Variants in ATRN observed in about 807,000 individuals in gnomAD.
ATRN encodes attractin, also known as attractin-2.
In ATRN, 54 loss-of-function variants were observed where a neutral mutation model predicts 178.7. That is an observed-to-expected ratio of 0.30 (90% CI 0.24 to 0.38). The LOEUF (loss-of-function observed/expected upper bound fraction) is 0.38. Ranked by LOEUF, ATRN falls within the 10% of genes least tolerant of loss-of-function variation. The pLI is 1.00. For synonymous variants in ATRN, 636 were observed against 663.0 expected (o/e 0.96, Z 0.63); for missense variants, 1,443 against 1,815.1 (o/e 0.79, Z 3.73).
chr20:3,621,485 A>G (rs775966592), intron 24 of ATRN, among the ~76,000 whole-genome samples: 1 of 152,178 alleles, frequency 6.6e-6, no homozygotes, highest in Non-Finnish European at 1.5e-5. Context: ...AGACATATTG[A>G]TGAAAGTGGA....
In ATRN at chr20:3,599,752, C is replaced by T. The variant is rs74180395; in HGVS notation, c.3565-1194C>T. ...AGGGGGTCCTGGAACCGATGACCCA[C>T]GTATACCAAAGGATGACTGTAATTG... On this transcript the variant is annotated intron_variant, in intron 22 of 28. Coordinates refer to ENST00000262919, the MANE Select transcript of ATRN (RefSeq NM_139321.3). Among the ~76,000 whole-genome samples, 1,035 of 152,222 alleles carry T rather than the reference C, an allele frequency of 6.8e-3. 9 individuals are homozygous for T. Among genetic ancestry groups the T allele is most frequent in the Non-Finnish European group, 7.5e-3 (513 of 68,026 alleles).
At chr20:3,631,997 G>T (rs2086992955) in intron 25 of ATRN, among the ~76,000 whole-genome samples, 2 of 152,140 alleles carry the variant, frequency 1.3e-5, no homozygotes, top group Admixed American at 6.5e-5. Flanking sequence ...CACTCTCTTG[G>T]TGAATGTGGC....
chr20:3,563,152 CATAA>C lies in ATRN; in HGVS notation c.1632-53_1632-50del, dbSNP rs2085978379. The C allele has an allele frequency of 1.2e-5, 18 of 1,478,774 alleles. No individual in the cohort carries two copies. In the Admixed American group the frequency reaches 3.2e-4, roughly 27 times the overall value. The allele number at this position is 1,478,774 out of a possible 1,614,324, so 91.6% of individuals were successfully genotyped here. A position where few individuals can be genotyped will look rare whatever the true frequency, so the allele number is the denominator to read the frequency against. ...GTGGTTGTGCTTGCATTAGCAGATA[CATAA>C]ATATTCTTTAAAAACTAACCTTGTA... is the stretch of plus-strand genomic sequence containing the variant. On this transcript the variant is annotated intron_variant, in intron 9 of 28. Coordinates refer to ENST00000262919, the MANE Select transcript of ATRN (RefSeq NM_139321.3).
chr20:3,619,134 A>T (rs564850647), intron 24 of ATRN, among the ~76,000 whole-genome samples: 1 of 152,316 alleles, frequency 6.6e-6, no homozygotes, highest in East Asian at 1.9e-4. Flanking sequence ...GGAGCCTGAC[A>T]GGTGCTGCCT....
chr20:3,498,236 T>G (rs1401263746), intron 1 of ATRN, among the ~76,000 whole-genome samples: 1 of 152,166 alleles, frequency 6.6e-6, no homozygotes, highest in Non-Finnish European at 1.5e-5. Flanking sequence ...AATTCACAGC[T>G]GAATTCTACC....
intron 24 of ATRN, among the ~76,000 whole-genome samples, chr20:3,616,734 A>G (rs984205936): frequency 3.3e-5 from 5 of 152,142 alleles, no homozygotes; most frequent in Non-Finnish European, 5.9e-5. Flanking sequence ...CACTGGCAGC[A>G]GTTGGGAGTG....
chr20:3,567,896 T>C lies in ATRN; in HGVS notation c.1871+2464T>C, dbSNP rs13041712. ...ATTCACAATTGCTGAGAACACCAAC[T>C]GTACTGGGAAGAGGAGGTTGCTTAT... On this transcript the variant is annotated intron_variant, in intron 11 of 28. Coordinates refer to ENST00000262919, the MANE Select transcript of ATRN (RefSeq NM_139321.3). 5.8e-3 allele frequency among the ~76,000 whole-genome samples: 890 copies of C among 152,328 alleles called. 5 individuals carry two copies. Among genetic ancestry groups the C allele is most frequent in the Middle Eastern group, 0.024 (7 of 294 alleles).
intron 1 of ATRN, among the ~76,000 whole-genome samples, chr20:3,503,377 A>G (rs140860660): frequency 1.0e-3 from 159 of 152,318 alleles, no homozygotes; most frequent in African/African-American, 3.7e-3. Flanking sequence ...AGAAAAGACA[A>G]TCAACAGTCA....
intron 1 of ATRN, chr20:3,490,287 C>T: frequency 1.7e-6 from 2 of 1,158,144 alleles, no homozygotes; most frequent in Non-Finnish European, 2.6e-6. Context: ...GCGGAGAGGT[C>T]AAGATGGGCT....
rs2087136995 is a variant in ATRN at position 3,650,301 on chromosome 20, A to G, written c.*3454A>G. ...TTTGATCCTTCCATTTCATTTATTC[A>G]TCCATCCATTCAACAAGTATTTGCT... On this transcript the variant is annotated 3_prime_UTR_variant, in exon 29 of 29. Transcript: ENST00000262919. The G allele has an allele frequency of 6.6e-6, 1 of 152,634 alleles. No individual in the cohort carries two copies. The highest frequency in any genetic ancestry group is 6.5e-5 in the Admixed American group (1 of 15,280). The allele number at this position is 152,634 out of a possible 1,614,324, so 9.5% of individuals were successfully genotyped here.
intron 10 of ATRN, 86 bp from the exon 11 acceptor site, chr20:3,565,262 G>A (rs1014198991): frequency 8.1e-6 from 8 of 983,866 alleles, no homozygotes; most frequent in Non-Finnish European, 1.1e-5. Flanking sequence ...GGTTCTCTTT[G>A]TTGTAGTATT....
chr20:3,565,515 T>A, intron 11 of ATRN, 83 bp downstream of exon 11: 1 of 1,227,170 alleles, frequency 8.1e-7, no homozygotes, highest in Non-Finnish European at 1.2e-6. Flanking sequence ...CGCCTGTAAT[T>A]CTGGCACTTT....
chr20:3,484,038 A>G (rs2084657998), intron 1 of ATRN, among the ~76,000 whole-genome samples: 1 of 152,144 alleles, frequency 6.6e-6, no homozygotes, highest in Non-Finnish European at 1.5e-5. Context: ...GCTTAAGCCC[A>G]GGAGTTTGAG....
intron 25 of ATRN, among the ~76,000 whole-genome samples, chr20:3,625,924 A>G (rs1436345846): frequency 6.6e-6 from 1 of 152,302 alleles, no homozygotes; most frequent in South Asian, 2.1e-4. Flanking sequence ...TATTTATTTT[A>G]TCCTACAATT....
rs2087038649 is a variant in ATRN, at chr20:3,638,046, A to AGG, written c.3943-781_3943-780insGG. ...TTTAGTAGTAGAAATACGAGGAGATAGAGCCACACCATTTTATGTATTTGA... is the reference window on the plus strand; with the variant it reads ...TTTAGTAGTAGAAATACGAGGAGATAGGGAGCCACACCATTTTATGTATTTGA... On this transcript the variant is annotated intron_variant, in intron 26 of 28. Coordinates refer to ENST00000262919, the MANE Select transcript of ATRN (RefSeq NM_139321.3). The surrounding 1 kb of genome is among the most constrained non-coding windows in gnomAD (Gnocchi z 4.5). 6.6e-6 allele frequency among the ~76,000 whole-genome samples: 1 copy of AGG among 152,244 alleles called. No homozygotes were observed. Among genetic ancestry groups the AGG allele is most frequent in the Non-Finnish European group, 1.5e-5 (1 of 68,042 alleles).
intron 16 of ATRN, among the ~76,000 whole-genome samples, chr20:3,582,845 C>T (rs765878813): frequency 5.9e-5 from 9 of 152,140 alleles, no homozygotes; most frequent in African/African-American, 1.4e-4. Context: ...CAGAACTACG[C>T]GAGAGCTGCA....
rs533786090 is a variant in ATRN, at chr20:3,613,635, G to A, written c.3801+9373G>A. 2.1e-4 allele frequency among the ~76,000 whole-genome samples: 32 copies of A among 152,220 alleles called. No individual in the cohort carries two copies. In the East Asian group the frequency reaches 4.2e-3, roughly 20 times the overall value. Reference sequence around the variant, plus strand: ...GGCCATTCAGTTAAATTTCAGTATGGCTTTCGATGCAGGCAAAGCCGTTTT... The same window carrying A: ...GGCCATTCAGTTAAATTTCAGTATGACTTTCGATGCAGGCAAAGCCGTTTT... On this transcript the variant is annotated intron_variant, in intron 24 of 28. Coordinates refer to ENST00000262919, the MANE Select transcript of ATRN (RefSeq NM_139321.3).
chr20:3,576,878 A>C lies in ATRN; in HGVS notation c.2234A>C (p.Glu745Ala). 1.2e-6 allele frequency: 2 copies of C among 1,614,070 alleles called. No homozygotes were observed. Among genetic ancestry groups the C allele is most frequent in the Non-Finnish European group, 1.7e-6 (2 of 1,179,974 alleles). Residue 745 changes from glutamate to alanine, a missense_variant, in exon 14 of 29, where the codon GAG (glutamate) becomes GCG (alanine). By Grantham distance (107) the Glu-to-Ala change is moderately radical. Coordinates refer to ENST00000262919, the MANE Select transcript of ATRN (RefSeq NM_139321.3). The part of the protein sequence containing the change: ...SEGQISIFRY[E>A]NCPKDNPMYY... ...TTCTAGATCTCCATTTTTAGGTATG[A>C]GAATTGCCCCAAGGATAACCCCATG... is the stretch of plus-strand genomic sequence containing the variant.
intron 15 of ATRN, among the ~76,000 whole-genome samples, chr20:3,581,171 G>C (rs2086278095): frequency 1.3e-5 from 2 of 152,190 alleles, no homozygotes; most frequent in South Asian, 2.1e-4. Context: ...AGGGTTGCTT[G>C]AGCCCAGGGG....
Sources: allele counts gnomAD v4.1 joint callset (sites outside exome capture counted in the v4.1 genomes callset), GRCh38; gene constraint gnomAD v4.1.1; non-coding constraint Gnocchi (gnomAD v3.1); transcripts MANE v1.5; gene names NCBI Gene and HGNC (gene_info 2026-07-23, HGNC 2026-07-21).